The following ETV1 variants were observed in gnomAD, a reference collection of about 807,000 sequenced individuals.
The protein encoded by ETV1 is ETS variant transcription factor 1, also known as ETS translocation variant 1.
In ETV1, 27 loss-of-function variants were observed where a neutral mutation model predicts 62.3. The observed-to-expected ratio is 0.43, with a 90% CI of 0.32 to 0.60. The LOEUF (loss-of-function observed/expected upper bound fraction) is 0.60, where lower values mean the gene tolerates loss of function less well. Ranked by LOEUF, ETV1 falls within the 20% of genes least tolerant of loss-of-function variation. ETV1 has a pLI of 0.06. For synonymous variants in ETV1, 222 were observed against 199.6 expected, an observed-to-expected ratio of 1.11 and a Z score of -0.94; for missense variants, 605 against 605.8, an observed-to-expected ratio of 1.00 and a Z score of 0.01.
At chr7:13,931,288 T>C (rs1445118191) in intron 9 of ETV1, among the ~76,000 whole-genome samples, 2 of 152,244 alleles carry the variant, frequency 1.3e-5, no homozygotes, top group Non-Finnish European at 2.9e-5. Context: ...AAACTGGTTT[T>C]GTTTCCAGAC....
At chr7:13,906,898 T>A (rs550549883) in intron 11 of ETV1, among the ~76,000 whole-genome samples, 21 of 152,210 alleles carry the variant, frequency 1.4e-4, no homozygotes, top group African/African-American at 4.1e-4. Context: ...TCTTTTTTTT[T>A]AAATTGATTT....
At chr7:13,984,330 G>A (rs1275096279) in intron 5 of ETV1, among the ~76,000 whole-genome samples, 2 of 151,994 alleles carry the variant, frequency 1.3e-5, no homozygotes, top group Admixed American at 6.6e-5. Context: ...TTAATTTCTG[G>A]ATGTCCAGAA....
chr7:13,891,843 GAA>G lies in ETV1; in HGVS notation c.*4021_*4022del. On this transcript the variant is annotated 3_prime_UTR_variant, in exon 14 of 14. Transcript: ENST00000430479. ...TCTTCTCCATACCAAATCGCAAATG[GAA>G]AATAGCTTACTCACTTCTTATTTTT... 1 of 231,338 alleles carries G rather than the reference GAA, an allele frequency of 4.3e-6. No homozygotes were observed. The highest frequency in any genetic ancestry group is 1.8e-4 in the South Asian group (1 of 5,506). 14.3% of individuals were successfully genotyped at this position (231,338 alleles called of 1,614,324 possible).
chr7:13,932,797 C>G (rs973769868), intron 8 of ETV1, among the ~76,000 whole-genome samples: 1 of 152,130 alleles, frequency 6.6e-6, no homozygotes, highest in African/African-American at 2.4e-5. Context: ...AACCCCCCCA[C>G]TAAAAGCATT....
intron 3 of ETV1, 90 bp from the exon 4 acceptor site, chr7:13,988,263 T>A: frequency 1.4e-6 from 1 of 731,270 alleles, no homozygotes. Flanking sequence ...CACACAGACA[T>A]GCATACATAA....
At position 13,892,322 on chromosome 7, in the gene ETV1, G is replaced by T. The variant is rs1380175596; in HGVS notation, c.*3544C>A. 5 of 232,400 alleles carry T rather than the reference G, an allele frequency of 2.2e-5. No individual in the cohort carries two copies. The highest frequency in any genetic ancestry group is 6.1e-5 in the East Asian group (1 of 16,428). The allele number at this position is 232,400 out of a possible 1,614,324, so 14.4% of individuals were successfully genotyped here. A position where few individuals can be genotyped will look rare whatever the true frequency, so the allele number is the denominator to read the frequency against. ...GGGGAAGGATTTGAATAATCTAAAGGCTTGATGTGATTACCAGACATTTTA... is the reference window on the plus strand; with the variant it reads ...GGGGAAGGATTTGAATAATCTAAAGTCTTGATGTGATTACCAGACATTTTA... On this transcript the variant is annotated 3_prime_UTR_variant, in exon 14 of 14. Transcript: ENST00000430479.
chr7:13,959,882 CAAAAAAAAAAAA>C (rs35605197), intron 6 of ETV1, among the ~76,000 whole-genome samples: 18 of 56,730 alleles, frequency 3.2e-4, no homozygotes, highest in South Asian at 1.4e-3. Flanking sequence ...GATTCTGTCT[CAAAAAAAAAAAA>C]AAAAAAAAAA....
chr7:13,942,020 C>CTTTT (rs560415338), intron 6 of ETV1, among the ~76,000 whole-genome samples: 6 of 99,750 alleles, frequency 6.0e-5, no homozygotes, highest in South Asian at 3.4e-4. Context: ...CCATGCATTT[C>CTTTT]TTTTTTTTTT....
intron 5 of ETV1, 141 bp downstream of exon 5, chr7:13,986,497 C>A: frequency 1.3e-6 from 2 of 1,521,892 alleles, no homozygotes; most frequent in Admixed American, 5.2e-5. Flanking sequence ...TCATCAGAGG[C>A]TCTAATGTAT....
chr7:13,901,241 G>T (rs933934752), intron 12 of ETV1, among the ~76,000 whole-genome samples: 4 of 152,174 alleles, frequency 2.6e-5, no homozygotes, highest in African/African-American at 9.7e-5. Context: ...CTGACCTCAG[G>T]TGGTCCACCC....
intron 6 of ETV1, among the ~76,000 whole-genome samples, chr7:13,945,965 G>T (rs558635003): frequency 2.6e-5 from 4 of 152,256 alleles, no homozygotes; most frequent in Admixed American, 2.6e-4. Flanking sequence ...GCCTGCTGCC[G>T]AGGCTGCTAG....
At chr7:13,982,427 T>C (rs1388500691) in intron 5 of ETV1, among the ~76,000 whole-genome samples, 2 of 152,032 alleles carry the variant, frequency 1.3e-5, no homozygotes, top group African/African-American at 2.4e-5. Context: ...CAAATCCTAT[T>C]TTTCTATTTT....
At chr7:13,911,365 C>T in intron 9 of ETV1, 58 bp from the exon 10 acceptor site, 1 of 1,176,402 alleles carries the variant, frequency 8.5e-7, no homozygotes. Flanking sequence ...CTGCGGTTAT[C>T]AATGGACAGG....
chr7:13,954,692 C>A (rs766608441), intron 6 of ETV1, among the ~76,000 whole-genome samples: 2 of 152,118 alleles, frequency 1.3e-5, no homozygotes, highest in African/African-American at 4.8e-5. Context: ...ACTATTTTAG[C>A]ACCAAAATGA....
At chr7:13,986,028 G>T in intron 5 of ETV1, 1 of 1,055,870 alleles carries the variant, frequency 9.5e-7, no homozygotes, top group South Asian at 1.4e-5. Context: ...AACATAACAT[G>T]AATAGTAACA....
intron 6 of ETV1, among the ~76,000 whole-genome samples, chr7:13,969,236 A>C (rs1780622076): frequency 6.6e-6 from 1 of 152,234 alleles, no homozygotes; most frequent in African/African-American, 2.4e-5. Context: ...TGACTTTCTC[A>C]CAGCTAAAAT....
chr7:13,948,347 C>T (rs1005984941), intron 6 of ETV1, among the ~76,000 whole-genome samples: 1 of 152,156 alleles, frequency 6.6e-6, no homozygotes, highest in Non-Finnish European at 1.5e-5. Context: ...GAGTAGCAAA[C>T]AATTACCCTG....
intron 6 of ETV1, among the ~76,000 whole-genome samples, chr7:13,951,141 A>T (rs1445777818): frequency 3.3e-5 from 5 of 151,926 alleles, no homozygotes; most frequent in South Asian, 2.1e-4. Flanking sequence ...CCTATTTAAC[A>T]CATAGATAAG....
rs1272774465 is a variant in ETV1 at position 13,919,163 on chromosome 7, G to A, written c.803-7856C>T. ...TTTATAAACATAACCATATTTACCCGTTACAAAAACACTAAAAGATGAGAG... is the reference window on the plus strand; with the variant it reads ...TTTATAAACATAACCATATTTACCCATTACAAAAACACTAAAAGATGAGAG... On this transcript the variant is annotated intron_variant, in intron 9 of 13. Transcript: ENST00000430479. 4.6e-5 allele frequency among the ~76,000 whole-genome samples: 7 copies of A among 151,834 alleles called. No individual in the cohort carries two copies. The East Asian group carries it at 5.8e-4, about 13-fold the overall frequency.
Sources: allele counts gnomAD v4.1 joint callset (sites outside exome capture counted in the v4.1 genomes callset), GRCh38; gene constraint gnomAD v4.1.1; transcripts MANE v1.5; gene names NCBI Gene and HGNC (gene_info 2026-07-23, HGNC 2026-07-21).